CNTN1: variants seen among roughly 807,000 people sequenced by gnomAD.
The protein encoded by CNTN1 is contactin 1.
In CNTN1, 38 loss-of-function variants were observed where a neutral mutation model predicts 126.4. The ratio of observed to expected loss-of-function variants is 0.30; its 90% CI spans 0.23 to 0.39. The LOEUF (loss-of-function observed/expected upper bound fraction) is 0.39. Ranked by LOEUF, CNTN1 falls within the 10% of genes least tolerant of loss-of-function variation. The pLI, the probability that CNTN1 is intolerant of heterozygous loss-of-function variation, is 1.00. For missense variants in CNTN1, 1,009 were observed against 1,248.4 expected (o/e 0.81, Z 2.89); for synonymous variants, 413 against 422.6 (o/e 0.98, Z 0.28).
intron 13 of CNTN1, 54 bp from the exon 14 acceptor site, chr12:40,943,941 T>C (rs943771252): frequency 2.7e-5 from 41 of 1,519,966 alleles, no homozygotes; most frequent in Middle Eastern, 1.7e-4. Flanking sequence ...ATATACCAGA[T>C]AATATTGTGT....
intron 1 of CNTN1, among the ~76,000 whole-genome samples, chr12:40,711,691 C>A (rs916464342): frequency 6.6e-6 from 1 of 151,308 alleles, no homozygotes; most frequent in Non-Finnish European, 1.5e-5. Flanking sequence ...CCTCCTCCTC[C>A]TCCTCTTCCT....
chr12:40,899,792 G>A (rs1056103932), intron 1 of CNTN1, among the ~76,000 whole-genome samples: 4 of 152,074 alleles, frequency 2.6e-5, no homozygotes, highest in Non-Finnish European at 5.9e-5. Flanking sequence ...TAACAATCAC[G>A]TGCCAAGTGC....
intron 23 of CNTN1, among the ~76,000 whole-genome samples, chr12:41,057,535 G>A (rs1949853112): frequency 6.6e-6 from 1 of 151,992 alleles, no homozygotes; most frequent in African/African-American, 2.4e-5. Flanking sequence ...CTCAGAATAT[G>A]CAATATCAAC....
intron 14 of CNTN1, among the ~76,000 whole-genome samples, chr12:40,950,407 A>G (rs1180077691): frequency 1.3e-5 from 2 of 152,188 alleles, no homozygotes; most frequent in Non-Finnish European, 2.9e-5. Context: ...TTCAAAATGC[A>G]TATCCAAAAT....
chr12:41,067,197 G>T (rs1395686848), intron 23 of CNTN1, among the ~76,000 whole-genome samples: 1 of 152,128 alleles, frequency 6.6e-6, no homozygotes, highest in African/African-American at 2.4e-5. Context: ...ATAAGCTTGA[G>T]CCATTAGAGA....
At chr12:41,021,423 G>T (rs954790769) in intron 20 of CNTN1, among the ~76,000 whole-genome samples, 2 of 151,948 alleles carry the variant, frequency 1.3e-5, no homozygotes, top group Middle Eastern at 3.4e-3. Flanking sequence ...TTAGCCCCAT[G>T]AGGGCAGGGT....
At chr12:40,854,557 GA>G (rs1316977830) in intron 1 of CNTN1, among the ~76,000 whole-genome samples, 8 of 151,480 alleles carry the variant, frequency 5.3e-5, no homozygotes, top group Admixed American at 2.0e-4. Context: ...AATAAGAAAA[GA>G]AAAAAAAGAC....
At chr12:40,844,314 C>A (rs1592149602) in intron 1 of CNTN1, among the ~76,000 whole-genome samples, 1 of 151,944 alleles carries the variant, frequency 6.6e-6, no homozygotes, top group South Asian at 2.1e-4. Flanking sequence ...GATACACCCG[C>A]CTCGGCCTCC....
intron 1 of CNTN1, among the ~76,000 whole-genome samples, chr12:40,899,290 C>T (rs567102815): frequency 3.3e-5 from 5 of 152,234 alleles, no homozygotes; most frequent in East Asian, 3.9e-4. Flanking sequence ...AATCTCAGAT[C>T]GGTTTGAATT....
At chr12:41,069,766 G>A (rs772047876) in intron 23 of CNTN1, among the ~76,000 whole-genome samples, 193 bp from the exon 24 acceptor site, 2 of 152,012 alleles carry the variant, frequency 1.3e-5, no homozygotes, top group Non-Finnish European at 2.9e-5. Context: ...CAGTTCACAT[G>A]GTCTCACACA....
At chr12:40,848,171 T>C (rs982707455) in intron 1 of CNTN1, among the ~76,000 whole-genome samples, 28 of 152,200 alleles carry the variant, frequency 1.8e-4, no homozygotes, top group African/African-American at 6.5e-4. Context: ...ATAGTCAGCT[T>C]TATGCCTTGA....
chr12:40,996,041 C>T (rs1948204065), intron 17 of CNTN1, among the ~76,000 whole-genome samples: 1 of 152,096 alleles, frequency 6.6e-6, no homozygotes, highest in Non-Finnish European at 1.5e-5. Context: ...AGACAGTGGG[C>T]AGTATTGTGG....
At chr12:40,711,934 G>A (rs1357066618) in intron 1 of CNTN1, among the ~76,000 whole-genome samples, 13 of 152,062 alleles carry the variant, frequency 8.5e-5, no homozygotes, top group Admixed American at 6.6e-5. Flanking sequence ...TTTCCAAGCT[G>A]TTCTCTAACT....
intron 16 of CNTN1, among the ~76,000 whole-genome samples, chr12:40,989,150 G>A (rs1320310125): frequency 7.2e-5 from 11 of 152,118 alleles, no homozygotes; most frequent in Admixed American, 7.2e-4. Flanking sequence ...TAGGGAGCAG[G>A]CCTCTGCTCC....
chr12:41,051,010 A>G (rs1949662504), intron 23 of CNTN1, among the ~76,000 whole-genome samples: 1 of 152,114 alleles, frequency 6.6e-6, no homozygotes, highest in Non-Finnish European at 1.5e-5. Context: ...GTTGGAGGCC[A>G]TGTTGGCCCT....
At chr12:40,938,609 C>T (rs1946160592) in intron 11 of CNTN1, among the ~76,000 whole-genome samples, 1 of 152,128 alleles carries the variant, frequency 6.6e-6, no homozygotes, top group Non-Finnish European at 1.5e-5. Flanking sequence ...GGGAATAGTT[C>T]ATTCAACATG....
chr12:40,974,293 T>G (rs1025592519), intron 15 of CNTN1, among the ~76,000 whole-genome samples: 2 of 152,080 alleles, frequency 1.3e-5, no homozygotes, highest in Non-Finnish European at 2.9e-5. Flanking sequence ...TTTACTTATC[T>G]GAGTTAACAC....
intron 1 of CNTN1, among the ~76,000 whole-genome samples, chr12:40,767,480 C>T (rs7978716): frequency 0.96 from 146,096 of 151,604 alleles, 70,620 homozygotes; most frequent in East Asian, 1. Flanking sequence ...AGCTAATTTT[C>T]TGTATTTTTA....
intron 16 of CNTN1, among the ~76,000 whole-genome samples, chr12:40,988,325 G>A (rs915184654): frequency 6.6e-6 from 1 of 152,088 alleles, no homozygotes; most frequent in African/African-American, 2.4e-5. Context: ...TGAAATGGGG[G>A]ACATCAAAGA....
Sources: allele counts gnomAD v4.1 joint callset (sites outside exome capture counted in the v4.1 genomes callset), GRCh38; gene constraint gnomAD v4.1.1; transcripts MANE v1.5; gene names NCBI Gene and HGNC (gene_info 2026-07-23, HGNC 2026-07-21).